Variants in SLC27A2 observed in about 807,000 individuals in gnomAD.
SLC27A2 encodes the protein long-chain fatty acid transport protein 2.
SLC27A2 carries 54 observed loss-of-function variants against 60.0 expected under a neutral mutation model. The ratio of observed to expected loss-of-function variants is 0.90; its 90% CI spans 0.72 to 1.13. The LOEUF (loss-of-function observed/expected upper bound fraction) is 1.13. SLC27A2 is among the 50% of genes most tolerant of loss of function. The pLI, the probability that SLC27A2 is intolerant of heterozygous loss-of-function variation, is 0.00. For missense variants in SLC27A2, 739 were observed against 777.6 expected, an observed-to-expected ratio of 0.95 and a Z score of 0.59; for synonymous variants, 297 against 297.6, an observed-to-expected ratio of 1.00 and a Z score of 0.02.
chr15:50,183,094 A>G (rs116591823), intron 1 of SLC27A2, among the ~76,000 whole-genome samples, 189 bp downstream of exon 1: 5 of 152,198 alleles, frequency 3.3e-5, no homozygotes, highest in Non-Finnish European at 7.4e-5. Context: ...GGAAGCTGAT[A>G]ATGTGCTAGG....
At chr15:50,217,061 A>G (rs190509991) in intron 4 of SLC27A2, among the ~76,000 whole-genome samples, 6 of 151,848 alleles carry the variant, frequency 4.0e-5, no homozygotes, top group African/African-American at 1.4e-4. Context: ...AAACAAAGGC[A>G]TGAGAATAAT....
At chr15:50,206,459 C>T (rs1391195999) in intron 4 of SLC27A2, among the ~76,000 whole-genome samples, 3 of 152,094 alleles carry the variant, frequency 2.0e-5, no homozygotes, top group East Asian at 1.9e-4. Flanking sequence ...TACCAGCTGC[C>T]GTGTGACGCA....
At chr15:50,213,983 GAAAC>G (rs201246895) in intron 4 of SLC27A2, among the ~76,000 whole-genome samples, 9 of 136,120 alleles carry the variant, frequency 6.6e-5, no homozygotes, top group East Asian at 4.1e-4. Flanking sequence ...AAATGAAATT[GAAAC>G]AAACAAACAA....
chr15:50,202,540 C>T lies in SLC27A2; in HGVS notation c.742C>T (p.Leu248Phe). 1 of 1,614,188 alleles carries T rather than the reference C, an allele frequency of 6.2e-7. No individual in the cohort carries two copies. The highest frequency in any genetic ancestry group is 8.5e-7 in the Non-Finnish European group (1 of 1,180,022). Residue 248 changes from leucine (L) to phenylalanine (F), a missense_variant, in exon 3 of 10, where the codon CTC becomes TTC. Leu to Phe is a conservative substitution (Grantham distance 22, BLOSUM62 0). Coordinates refer to ENST00000267842, the MANE Select transcript of SLC27A2 (RefSeq NM_003645.4). ...TCAGCGCATATGGTATGGAACTGGC[C>T]TCACTTTTGTAAGCGGATTGAAGGC... ...THQRIWYGTG[L>F]TFVSGLKADD...
intron 1 of SLC27A2, among the ~76,000 whole-genome samples, chr15:50,194,917 G>A (rs1239662747): frequency 1.3e-5 from 2 of 152,196 alleles, no homozygotes; most frequent in Non-Finnish European, 2.9e-5. Context: ...TATTTTCATA[G>A]TCACATTTAT....
At position 50,183,802 on chromosome 15, in the gene SLC27A2, G is replaced by A. The variant is rs141984213; in HGVS notation, c.478+897G>A. Among the ~76,000 whole-genome samples the A allele has an allele frequency of 2.0e-5, 3 of 152,156 alleles. No homozygotes were observed. In the East Asian group the frequency reaches 5.8e-4, roughly 29 times the overall value. On this transcript the variant is annotated intron_variant, in intron 1 of 9. Transcript: ENST00000267842. ...AGACCTGGGTGACAGGGTAGGGGTCGAGGGAGCCGAGGAGCCTCAGCTTTC... is the reference window on the plus strand; with the variant it reads ...AGACCTGGGTGACAGGGTAGGGGTCAAGGGAGCCGAGGAGCCTCAGCTTTC...
chr15:50,182,703 C>T lies in SLC27A2; in HGVS notation c.276C>T (p.Ala92=), dbSNP rs34490804. The T allele has an allele frequency of 0.11, 176,184 of 1,613,744 alleles. 10,218 individuals carry two copies. The highest frequency in any genetic ancestry group is 0.12 in the Middle Eastern group (756 of 6,062). The change falls in exon 1 of 10, where the codon GCC becomes GCT. Residue 92 remains alanine, a synonymous_variant. Coordinates refer to ENST00000267842, the MANE Select transcript of SLC27A2 (RefSeq NM_003645.4). ...AQVDRRSNQV[A]RALHDHLGLR... is the part of the protein sequence containing the mutation. Reference sequence around the variant, plus strand: ...TGGACCGGCGCAGCAATCAAGTGGCCCGGGCGCTGCACGACCACCTCGGCC... The same window carrying T: ...TGGACCGGCGCAGCAATCAAGTGGCTCGGGCGCTGCACGACCACCTCGGCC...
At chr15:50,225,911 A>T in intron 5 of SLC27A2, 77 bp from the exon 6 acceptor site, 2 of 993,356 alleles carry the variant, frequency 2.0e-6, no homozygotes, top group Non-Finnish European at 3.1e-6. Context: ...CGCCTAAGAT[A>T]TACTTTGTGT....
At chr15:50,222,939 G>T (rs2045253478) in intron 4 of SLC27A2, 26 bp from the exon 5 acceptor site, 2 of 1,563,466 alleles carry the variant, frequency 1.3e-6, no homozygotes, top group East Asian at 4.5e-5. Flanking sequence ...GTTTCAGTTT[G>T]GTCTCCTTCT....
Position 50,233,911 on chromosome 15 carries a change from A to G in SLC27A2, c.1599A>G (p.Glu533=). 1 of 1,613,966 alleles carries G rather than the reference A, an allele frequency of 6.2e-7. No homozygotes were observed. The highest frequency in any genetic ancestry group is 8.5e-7 in the Non-Finnish European group (1 of 1,179,856). ...GCATGGCCTCCATCAAAATGAAAGA[A>G]AACCATGAATTTGATGGAAAGAAAC... ...RIGMASIKMK[E]NHEFDGKKLF... is the part of the protein sequence containing the mutation. Residue 533 remains glutamate, a synonymous_variant, in exon 9 of 10, where the codon GAA becomes GAG. Transcript: ENST00000267842.
chr15:50,217,425 T>A (rs1006419597), intron 4 of SLC27A2, among the ~76,000 whole-genome samples: 3 of 152,012 alleles, frequency 2.0e-5, no homozygotes, highest in Non-Finnish European at 4.4e-5. Context: ...TAAGAAAGTA[T>A]CTACGTACTA....
intron 3 of SLC27A2, 146 bp downstream of exon 3, chr15:50,202,791 T>TTGTGATTCAAATC: frequency 1.4e-6 from 1 of 732,598 alleles, no homozygotes; most frequent in Non-Finnish European, 2.3e-6. Context: ...AATCACATAT[T>TTGTGATTCAAATC]ACAAGCAAGC....
intron 4 of SLC27A2, among the ~76,000 whole-genome samples, chr15:50,207,210 C>T (rs984138282): frequency 1.3e-5 from 2 of 152,070 alleles, no homozygotes; most frequent in Admixed American, 1.3e-4. Context: ...TGTCTTCAGG[C>T]CCACACATAT....
chr15:50,209,241 G>A (rs1309685109), intron 4 of SLC27A2, among the ~76,000 whole-genome samples: 4 of 152,098 alleles, frequency 2.6e-5, no homozygotes, highest in African/African-American at 9.7e-5. Context: ...GTCCCTTCTA[G>A]CCTAAAATTT....
At chr15:50,233,459 AG>A (rs1011484036) in intron 8 of SLC27A2, among the ~76,000 whole-genome samples, 4 of 152,244 alleles carry the variant, frequency 2.6e-5, no homozygotes, top group African/African-American at 9.6e-5. Context: ...GATGGTTATA[AG>A]CACAGGATCT....
At chr15:50,230,276 C>T (rs8040691) in intron 8 of SLC27A2, among the ~76,000 whole-genome samples, 21,689 of 150,260 alleles carry the variant, frequency 0.14, 1,629 homozygotes, top group Middle Eastern at 0.18. Flanking sequence ...GACACTGTGG[C>T]TCACACCTGT....
Position 50,228,942 on chromosome 15 carries a change from C to A in SLC27A2, c.1458-3C>A. The A allele has an allele frequency of 6.2e-7, 1 of 1,609,966 alleles. No individual in the cohort carries two copies. Among genetic ancestry groups the A allele is most frequent in the East Asian group, 2.2e-5 (1 of 44,848 alleles). On this transcript the variant is annotated splice_region_variant and splice_polypyrimidine_tract_variant and intron_variant, in intron 7 of 9. Transcript: ENST00000267842. ...CCTCTGCTAACTTTGTCCTTTCTTC[C>A]AGGTGGAAAGGGGAAAATGTGGCCA...
chr15:50,218,593 C>G (rs2045219743), intron 4 of SLC27A2, among the ~76,000 whole-genome samples: 1 of 152,102 alleles, frequency 6.6e-6, no homozygotes, highest in Admixed American at 6.6e-5. Flanking sequence ...CTGGTGCTTT[C>G]AAAATTCTAG....
chr15:50,192,736 T>C (rs1043649215), intron 1 of SLC27A2, among the ~76,000 whole-genome samples: 3 of 148,800 alleles, frequency 2.0e-5, no homozygotes, highest in Non-Finnish European at 1.5e-5. Flanking sequence ...TGTATTTTTT[T>C]GTAGAGGTGT....
Sources: gnomAD v4.1 joint callset for allele counts (sites outside exome capture counted in the v4.1 genomes callset) on GRCh38, gnomAD v4.1.1 for gene constraint, MANE v1.5 for transcripts, NCBI Gene and HGNC (gene_info 2026-07-23, HGNC 2026-07-21) for gene names.